The following ASTN2 variants were observed in gnomAD, a reference collection of about 807,000 sequenced individuals.
ASTN2 encodes the protein astrotactin 2, also known as astrotactin-2.
Under a neutral mutation model 139.8 loss-of-function variants are expected in ASTN2, and 54 were observed. The ratio of observed to expected loss-of-function variants is 0.39; its 90% CI spans 0.31 to 0.48. The LOEUF (loss-of-function observed/expected upper bound fraction) is 0.48, where lower values mean the gene tolerates loss of function less well. Among genes scored for constraint, ASTN2 ranks in the 20% least tolerant of loss-of-function variants. ASTN2 has a pLI of 0.95. For synonymous variants in ASTN2, 756 were observed against 719.5 expected (o/e 1.05, Z -0.81); for missense variants, 1,565 against 1,725.1 (o/e 0.91, Z 1.64).
At chr9:116,877,061 T>C (rs1833322081) in intron 10 of ASTN2, among the ~76,000 whole-genome samples, 1 of 152,166 alleles carries the variant, frequency 6.6e-6, no homozygotes, top group Admixed American at 6.5e-5. Flanking sequence ...AAACCAAACC[T>C]ATCCCCTCCT....
chr9:117,343,011 A>T (rs1829107233), intron 1 of ASTN2, among the ~76,000 whole-genome samples: 1 of 152,194 alleles, frequency 6.6e-6, no homozygotes, highest in Non-Finnish European at 1.5e-5. Context: ...AAGTTAGGCA[A>T]GGGGAATAGT....
At chr9:116,521,507 CG>C (rs1325989899) in intron 19 of ASTN2, among the ~76,000 whole-genome samples, 1 of 151,930 alleles carries the variant, frequency 6.6e-6, no homozygotes, top group Non-Finnish European at 1.5e-5. Context: ...AAGATGGATC[CG>C]GGACTTAAAC....
chr9:116,538,142 T>C (rs1433795082), intron 19 of ASTN2, among the ~76,000 whole-genome samples: 1 of 151,896 alleles, frequency 6.6e-6, no homozygotes, highest in Non-Finnish European at 1.5e-5. Context: ...ATAAGAGCTA[T>C]GGTCCCCATT....
intron 20 of ASTN2, among the ~76,000 whole-genome samples, chr9:116,448,631 G>T (rs988591421): frequency 6.6e-6 from 1 of 152,204 alleles, no homozygotes; most frequent in East Asian, 1.9e-4. Context: ...TACCTGGGCA[G>T]TAGCAAGAAG....
At chr9:116,668,426 A>T (rs1564193748) in intron 16 of ASTN2, among the ~76,000 whole-genome samples, 1 of 152,144 alleles carries the variant, frequency 6.6e-6, no homozygotes, top group Non-Finnish European at 1.5e-5. Flanking sequence ...TCCTGACCTC[A>T]GGTGATCCAC....
chr9:116,812,257 T>A (rs531361091), intron 12 of ASTN2, among the ~76,000 whole-genome samples: 19 of 152,248 alleles, frequency 1.2e-4, no homozygotes, highest in African/African-American at 4.3e-4. Context: ...TTATCTGACA[T>A]GGCAAAGGAG....
rs1834369258 is a variant in ASTN2, at chr9:116,913,514, G to T, written c.1890-49781C>A. On this transcript the variant is annotated intron_variant, in intron 10 of 22. Transcript: ENST00000313400. The stretch of plus-strand genomic sequence containing the variant: ...GTCATTTCTTAGTACCCCTGGGTTT[G>T]AGGGAAGGGGAAGGATGATTTGGGC... Among the ~76,000 whole-genome samples the T allele has an allele frequency of 2.0e-5, 3 of 152,218 alleles. No homozygotes were observed. The South Asian group carries it at 6.2e-4, about 32-fold the overall frequency.
chr9:117,332,612 C>A, intron 1 of ASTN2, among the ~76,000 whole-genome samples: 1 of 152,024 alleles, frequency 6.6e-6, no homozygotes, highest in East Asian at 1.9e-4. Flanking sequence ...ACAGGATTAG[C>A]CTATTTAACA....
At chr9:117,390,372 C>T (rs566197767) in intron 1 of ASTN2, among the ~76,000 whole-genome samples, 111 of 152,246 alleles carry the variant, frequency 7.3e-4, no homozygotes, top group African/African-American at 2.6e-3. Flanking sequence ...CCATGGTTTA[C>T]ATTAGGGTTC....
At chr9:117,136,722 G>A (rs1433258454) in intron 4 of ASTN2, among the ~76,000 whole-genome samples, 4 of 152,174 alleles carry the variant, frequency 2.6e-5, no homozygotes, top group African/African-American at 4.8e-5. Context: ...GGCTCAGGAA[G>A]GGGAAGATGG....
chr9:116,542,053 A>G (rs1414886911), intron 19 of ASTN2, among the ~76,000 whole-genome samples: 1 of 152,166 alleles, frequency 6.6e-6, no homozygotes, highest in Non-Finnish European at 1.5e-5. Flanking sequence ...TTTTATAGTC[A>G]CACTACTTTC....
chr9:116,904,980 A>G (rs1834115626), intron 10 of ASTN2, among the ~76,000 whole-genome samples: 1 of 152,052 alleles, frequency 6.6e-6, no homozygotes, highest in Non-Finnish European at 1.5e-5. Context: ...AGTCCTCCAA[A>G]GGCCCCTCTG....
rs16933836 is a variant in ASTN2 at position 116,701,586 on chromosome 9, A to G, written c.2806+24185T>C. ...AATATTGTGGGCAGGCTGAAGGTAA[A>G]TGAGGCCAGGAATCCTCCAGCTGTC... is the stretch of plus-strand genomic sequence containing the variant. On this transcript the variant is annotated intron_variant, in intron 16 of 22. Transcript: ENST00000313400. Among the ~76,000 whole-genome samples the G allele has an allele frequency of 5.3e-3, 809 of 152,316 alleles. 9 individuals are homozygous for G. The highest frequency in any genetic ancestry group is 0.033 in the Admixed American group (507 of 15,300).
Position 116,553,820 on chromosome 9 carries a change from CTT to C in ASTN2, c.3355+64502_3355+64503del, listed in dbSNP as rs1462045832. Reference sequence around the variant, plus strand: ...AAAGTCAAATTTGGGGTGAACCTGTCTTTTGACTTTCTGACCTTAGGCAAAAA... The same window carrying C: ...AAAGTCAAATTTGGGGTGAACCTGTCTTGACTTTCTGACCTTAGGCAAAAA... On this transcript the variant is annotated intron_variant, in intron 19 of 22. Coordinates refer to ENST00000313400, the MANE Select transcript of ASTN2 (RefSeq NM_001365068.1). Among the ~76,000 whole-genome samples, 10 of 152,296 alleles carry C rather than the reference CTT, an allele frequency of 6.6e-5. No homozygotes were observed. The East Asian group carries it at 1.9e-3, about 29-fold the overall frequency.
At chr9:117,000,647 G>C (rs907876496) in intron 7 of ASTN2, among the ~76,000 whole-genome samples, 8 of 152,242 alleles carry the variant, frequency 5.3e-5, no homozygotes, top group African/African-American at 1.9e-4. Context: ...GAGAGATGAA[G>C]ATAATGGTAG....
At chr9:116,736,209 T>C (rs539401047) in intron 13 of ASTN2, among the ~76,000 whole-genome samples, 81 of 152,358 alleles carry the variant, frequency 5.3e-4, no homozygotes, top group African/African-American at 1.8e-3. Context: ...TCCAGAATTC[T>C]ATGAGGTTTA....
intron 20 of ASTN2, among the ~76,000 whole-genome samples, chr9:116,484,443 T>C (rs995625846): frequency 2.0e-5 from 3 of 152,212 alleles, no homozygotes; most frequent in Non-Finnish European, 4.4e-5. Context: ...GTGCTATTTC[T>C]ACTGCCGCAC....
intron 19 of ASTN2, among the ~76,000 whole-genome samples, chr9:116,488,498 A>G (rs1849410125): frequency 6.6e-6 from 1 of 152,238 alleles, no homozygotes; most frequent in Non-Finnish European, 1.5e-5. Flanking sequence ...TCGCAGTACT[A>G]TTTATACTAG....
chr9:116,730,933 T>G (rs1828761087), intron 14 of ASTN2, among the ~76,000 whole-genome samples: 1 of 152,154 alleles, frequency 6.6e-6, no homozygotes, highest in South Asian at 2.1e-4. Flanking sequence ...GATGTCAGCT[T>G]TTTGAGGTCA....
Sources: gnomAD v4.1 joint callset for allele counts (sites outside exome capture counted in the v4.1 genomes callset) on GRCh38, gnomAD v4.1.1 for gene constraint, MANE v1.5 for transcripts, NCBI Gene and HGNC (gene_info 2026-07-23, HGNC 2026-07-21) for gene names.